The following CELF2 variants were observed in gnomAD, a reference collection of about 807,000 sequenced individuals.
CELF2 encodes CUG triplet repeat RNA-binding protein 2.
In CELF2, 8 loss-of-function variants were observed where a neutral mutation model predicts 62.6. The ratio of observed to expected loss-of-function variants is 0.13; its 90% CI spans 0.07 to 0.23. The LOEUF (loss-of-function observed/expected upper bound fraction) is 0.23, where lower values mean the gene tolerates loss of function less well. Ranked by LOEUF, CELF2 falls within the 10% of genes least tolerant of loss-of-function variation. CELF2 has a pLI of 1.00. For missense variants in CELF2, 333 were observed against 671.0 expected, an observed-to-expected ratio of 0.50 and a Z score of 5.56; for synonymous variants, 258 against 250.0, an observed-to-expected ratio of 1.03 and a Z score of -0.30.
In CELF2 at chr10:11,240,258, A is replaced by C. The variant is rs1205120519; in HGVS notation, c.355-8895A>C. Among the ~76,000 whole-genome samples, 4 of 152,240 alleles carry C rather than the reference A, an allele frequency of 2.6e-5. 1 individual carries two copies. The highest frequency in any genetic ancestry group is 9.6e-5 in the African/African-American group (4 of 41,468). On this transcript the variant is annotated intron_variant, in intron 3 of 12. Coordinates refer to ENST00000633077, the MANE Select transcript of CELF2 (RefSeq NM_001326342.2). The stretch of plus-strand genomic sequence containing the variant: ...CTTGCATAATCCAGGCAGTTAACAT[A>C]AAGCCACATAGTAGGGCCTTTTGAC...
chr10:10,912,556 G>A (rs998015622), intron 1 of CELF2, among the ~76,000 whole-genome samples: 20 of 152,176 alleles, frequency 1.3e-4, no homozygotes, highest in African/African-American at 4.8e-4. Context: ...TTTTAGTAGA[G>A]AGGGGGTTTC....
intron 2 of CELF2, among the ~76,000 whole-genome samples, chr10:10,963,355 A>G (rs1189164674): frequency 1.3e-5 from 2 of 152,158 alleles, no homozygotes; most frequent in Non-Finnish European, 1.5e-5. Flanking sequence ...GTGCCCAGCC[A>G]GGAAATAGTT....
chr10:10,586,533 T>C, the CELF2 span, among the ~76,000 whole-genome samples: 1 of 152,178 alleles, frequency 6.6e-6, no homozygotes, highest in Admixed American at 6.5e-5. Context: ...AGTGTGTCAT[T>C]TTCCCCTTTG....
the CELF2 span, among the ~76,000 whole-genome samples, chr10:10,684,639 G>A: frequency 6.6e-6 from 1 of 152,148 alleles, no homozygotes; most frequent in East Asian, 1.9e-4. Flanking sequence ...AGCTACTCAG[G>A]AGGCTGAGGT....
upstream of CELF2, among the ~76,000 whole-genome samples, chr10:11,001,374 A>C (rs1221204695): frequency 3.3e-5 from 5 of 152,180 alleles, no homozygotes; most frequent in Admixed American, 6.5e-5. Context: ...GCTCTGGCAT[A>C]TTTTGTATTA....
At chr10:10,737,736 AC>A in the CELF2 span, among the ~76,000 whole-genome samples, 1 of 151,884 alleles carries the variant, frequency 6.6e-6, no homozygotes, top group Admixed American at 6.6e-5. Context: ...GGCATAAGAA[AC>A]CTTGGCAGGT....
chr10:10,510,882 A>G, the CELF2 span, among the ~76,000 whole-genome samples: 14 of 152,194 alleles, frequency 9.2e-5, no homozygotes, highest in African/African-American at 3.4e-4. Context: ...GGGGCATAGC[A>G]AATGCAAAAG....
intron 1 of CELF2, among the ~76,000 whole-genome samples, chr10:10,867,077 T>C (rs1376172187): frequency 6.6e-6 from 1 of 152,174 alleles, no homozygotes; most frequent in Non-Finnish European, 1.5e-5. Context: ...AGGGAGGTTG[T>C]GGGTCTTGAT....
At chr10:10,800,498 C>T (rs2054553561) in intron 1 of CELF2, among the ~76,000 whole-genome samples, 1 of 152,126 alleles carries the variant, frequency 6.6e-6, no homozygotes. Flanking sequence ...ATTACAGGTG[C>T]CTACCACCAT....
intron 2 of CELF2, among the ~76,000 whole-genome samples, chr10:11,205,960 A>G (rs1221017387): frequency 6.6e-6 from 1 of 152,188 alleles, no homozygotes; most frequent in Non-Finnish European, 1.5e-5. Flanking sequence ...TTGCCTCTCC[A>G]TTTCACTTTG....
At chr10:11,307,485 A>G (rs955542056) in intron 9 of CELF2, among the ~76,000 whole-genome samples, 5 of 152,254 alleles carry the variant, frequency 3.3e-5, no homozygotes, top group African/African-American at 4.8e-5. Context: ...AATAGATCCT[A>G]TATCATTTTG....
At chr10:11,120,657 C>A (rs1172482511) in intron 1 of CELF2, among the ~76,000 whole-genome samples, 1 of 152,166 alleles carries the variant, frequency 6.6e-6, no homozygotes, top group South Asian at 2.1e-4. Context: ...ACTGTGAAAC[C>A]CTGAAAGAGC....
chr10:10,500,538 G>A, the CELF2 span, among the ~76,000 whole-genome samples: 23 of 152,192 alleles, frequency 1.5e-4, no homozygotes, highest in East Asian at 1.7e-3. Flanking sequence ...CTTGCCTGCC[G>A]CCATGTAAGA....
rs144130071 is a variant in CELF2 at position 11,109,836 on chromosome 10, C to T, written c.75-55650C>T. 2.2e-3 allele frequency among the ~76,000 whole-genome samples: 341 copies of T among 152,310 alleles called. 1 individual carries two copies. Among genetic ancestry groups the T allele is most frequent in the African/African-American group, 7.8e-3 (325 of 41,552 alleles). ...TATGTTTTCCCTTCCTCTCTCCCCGCCCCCTGACTTTGTAGCAAAAGGAAA... is the reference window on the plus strand; with the variant it reads ...TATGTTTTCCCTTCCTCTCTCCCCGTCCCCTGACTTTGTAGCAAAAGGAAA... On this transcript the variant is annotated intron_variant, in intron 1 of 12. Coordinates refer to ENST00000633077, the MANE Select transcript of CELF2 (RefSeq NM_001326342.2).
intron 1 of CELF2, among the ~76,000 whole-genome samples, chr10:10,918,626 CTGTT>C (rs1299611323): frequency 6.6e-6 from 1 of 152,134 alleles, no homozygotes; most frequent in African/African-American, 2.4e-5. Context: ...AGGAAGTCCT[CTGTT>C]TGAATTGACA....
At chr10:10,681,822 A>G in the CELF2 span, among the ~76,000 whole-genome samples, 1 of 152,196 alleles carries the variant, frequency 6.6e-6, no homozygotes, top group Non-Finnish European at 1.5e-5. Context: ...ACCACTGACA[A>G]CCATGAAAAT....
At chr10:10,685,242 C>G in the CELF2 span, among the ~76,000 whole-genome samples, 1 of 152,138 alleles carries the variant, frequency 6.6e-6, no homozygotes, top group African/African-American at 2.4e-5. Flanking sequence ...CTGTCATCTG[C>G]TTTTTGGTGG....
At position 11,172,730 on chromosome 10, in the gene CELF2, G is replaced by A. The variant is rs567840267; in HGVS notation, c.271+7048G>A. On this transcript the variant is annotated intron_variant, in intron 2 of 12. Coordinates refer to ENST00000633077, the MANE Select transcript of CELF2 (RefSeq NM_001326342.2). ...GGGAGACAAAAAAGACCGACAGAGC[G>A]AGCTAATATCAAAGAAGAAAAGAAA... is the stretch of plus-strand genomic sequence containing the variant. 3.9e-5 allele frequency among the ~76,000 whole-genome samples: 6 copies of A among 152,254 alleles called. No individual in the cohort carries two copies. In the East Asian group the frequency reaches 1.2e-3, roughly 29 times the overall value.
intron 3 of CELF2, among the ~76,000 whole-genome samples, chr10:11,228,819 C>T (rs1326625699): frequency 6.6e-6 from 1 of 151,320 alleles, no homozygotes; most frequent in African/African-American, 2.4e-5. Context: ...GGCAGAGTTA[C>T]CAAGATTTTA....
Sources: gnomAD v4.1 joint callset for allele counts (sites outside exome capture counted in the v4.1 genomes callset) on GRCh38, gnomAD v4.1.1 for gene constraint, MANE v1.5 for transcripts, NCBI Gene and HGNC (gene_info 2026-07-23, HGNC 2026-07-21) for gene names.